Variants in TMEM51 observed in about 807,000 individuals in gnomAD.
The protein encoded by TMEM51 is chromosome 1 open reading frame 72.
A neutral mutation model predicts 13.6 loss-of-function variants in TMEM51; 8 were observed. That is an observed-to-expected ratio of 0.59 (90% CI 0.35 to 1.07). The LOEUF (loss-of-function observed/expected upper bound fraction) is 1.07, where lower values mean the gene tolerates loss of function less well. Among genes scored for constraint, TMEM51 ranks in the 50% least tolerant of loss-of-function variants. The pLI, the probability that TMEM51 is intolerant of heterozygous loss-of-function variation, is 0.02. For missense variants in TMEM51, 279 were observed against 330.7 expected (o/e 0.84, Z 1.21); for synonymous variants, 147 against 144.4 (o/e 1.02, Z -0.13).
At chr1:15,175,177 A>T (rs1573395241) in intron 1 of TMEM51, among the ~76,000 whole-genome samples, 1 of 152,076 alleles carries the variant, frequency 6.6e-6, no homozygotes, top group African/African-American at 2.4e-5. Flanking sequence ...AGGTGGGTGG[A>T]TTATCTGAGG....
intron 1 of TMEM51, among the ~76,000 whole-genome samples, chr1:15,191,648 G>A (rs916725406): frequency 3.3e-5 from 5 of 152,128 alleles, no homozygotes; most frequent in African/African-American, 9.7e-5. Flanking sequence ...TGAGATGACT[G>A]CTATTTTCTC....
At chr1:15,200,742 T>A (rs1310686845) in intron 1 of TMEM51, among the ~76,000 whole-genome samples, 1 of 152,178 alleles carries the variant, frequency 6.6e-6, no homozygotes, top group Non-Finnish European at 1.5e-5. Context: ...TGATTAAACA[T>A]CTCAGCGTCA....
At chr1:15,182,883 C>T (rs1417820264) in intron 1 of TMEM51, among the ~76,000 whole-genome samples, 1 of 152,216 alleles carries the variant, frequency 6.6e-6, no homozygotes, top group Non-Finnish European at 1.5e-5. Context: ...CTACCACAGC[C>T]TCCATAGTAA....
chr1:15,170,821 C>T (rs1048159473), intron 1 of TMEM51, among the ~76,000 whole-genome samples: 5 of 151,948 alleles, frequency 3.3e-5, no homozygotes, highest in East Asian at 3.9e-4. Context: ...CTCCGCCTCC[C>T]GGGTTCATGC....
chr1:15,173,755 C>T (rs746400318), intron 1 of TMEM51, among the ~76,000 whole-genome samples: 9 of 151,294 alleles, frequency 5.9e-5, no homozygotes, highest in Non-Finnish European at 1.2e-4. Context: ...CTAAAAACAC[C>T]CTTTCTTCAA....
intron 1 of TMEM51, among the ~76,000 whole-genome samples, chr1:15,169,484 G>A (rs554147721): frequency 1.2e-3 from 180 of 152,192 alleles, no homozygotes; most frequent in Admixed American, 1.9e-3. Flanking sequence ...ATAAATGTGC[G>A]TGAGACTATG....
chr1:15,219,819 CCA>C lies in TMEM51; in HGVS notation c.*79_*80del. The C allele has an allele frequency of 6.6e-7, 1 of 1,516,782 alleles. No individual in the cohort carries two copies. The highest frequency in any genetic ancestry group is 8.9e-7 in the Non-Finnish European group (1 of 1,123,814). 94.0% of individuals were successfully genotyped at this position (1,516,782 alleles called of 1,614,324 possible). A position where few individuals can be genotyped will look rare whatever the true frequency, so the allele number is the denominator to read the frequency against. On this transcript the variant is annotated 3_prime_UTR_variant, in exon 4 of 4. Transcript: ENST00000376008. ...CAAGACTCTAACAAAGCCACATGAGCCACAGTTGAGAAGCGGAGGGGCCAGCT... is the reference window on the plus strand; with the variant it reads ...CAAGACTCTAACAAAGCCACATGAGCCAGTTGAGAAGCGGAGGGGCCAGCT...
At chr1:15,179,033 C>T (rs1042177547) in intron 1 of TMEM51, among the ~76,000 whole-genome samples, 4 of 152,148 alleles carry the variant, frequency 2.6e-5, no homozygotes, top group Non-Finnish European at 4.4e-5. Context: ...AGGGACTGCT[C>T]GTTAGGAAAA....
At chr1:15,153,735 G>T, upstream of TMEM51, 1 of 152,120 alleles carries the variant, frequency 6.6e-6, no homozygotes, top group Non-Finnish European at 1.5e-5. Flanking sequence ...CCTCCCGCAC[G>T]CCGGCGCTCC....
intron 1 of TMEM51, among the ~76,000 whole-genome samples, chr1:15,178,200 G>A (rs981231610): frequency 3.2e-5 from 3 of 93,286 alleles, no homozygotes; most frequent in Non-Finnish European, 7.2e-5. Context: ...GGGTGGAAGA[G>A]GGATTCCCTG....
chr1:15,214,200 G>A (rs545918716), intron 2 of TMEM51, among the ~76,000 whole-genome samples: 1 of 152,168 alleles, frequency 6.6e-6, no homozygotes, highest in South Asian at 2.1e-4. Flanking sequence ...ATGTGGTCAT[G>A]GGAAGAGAGA....
chr1:15,171,379 A>G (rs1455784864), intron 1 of TMEM51: 1 of 1,242,900 alleles, frequency 8.0e-7, no homozygotes, highest in African/African-American at 1.5e-5. Context: ...GGCGGCAGAA[A>G]GGAAGGTGGA....
Position 15,169,968 on chromosome 1 carries a change from A to T in TMEM51, c.-267+16014A>T, listed in dbSNP as rs1643181607. 2.6e-5 allele frequency among the ~76,000 whole-genome samples: 4 copies of T among 152,190 alleles called. No individual in the cohort carries two copies. In the South Asian group the frequency reaches 8.3e-4, roughly 32 times the overall value. On this transcript the variant is annotated intron_variant, in intron 1 of 3. Coordinates refer to ENST00000376008, the MANE Select transcript of TMEM51 (RefSeq NM_001136218.2). ...TACTTTCTGAGTTTCCCACAGAGAA[A>T]CATGTATGACTTTGTATTAAAGTAA...
intron 1 of TMEM51, among the ~76,000 whole-genome samples, chr1:15,178,891 C>T (rs566778175): frequency 6.6e-5 from 10 of 152,320 alleles, no homozygotes; most frequent in African/African-American, 1.9e-4. Context: ...CCTTGGCAGC[C>T]GGAACTTTCC....
rs185857348 is a variant in TMEM51, at chr1:15,209,148, C to T, written c.-266-1342C>T. Among the ~76,000 whole-genome samples, 196 of 152,144 alleles carry T rather than the reference C, an allele frequency of 1.3e-3. 1 individual carries two copies. The highest frequency in any genetic ancestry group is 6.8e-3 in the Middle Eastern group (2 of 294). ...GCAGTGGCGTGCTCAAGGCTCACTA[C>T]AGGCTTTACCTCCTAGGCTCAAGCA... On this transcript the variant is annotated intron_variant, in intron 1 of 3. Coordinates refer to ENST00000376008, the MANE Select transcript of TMEM51 (RefSeq NM_001136218.2).
intron 1 of TMEM51, among the ~76,000 whole-genome samples, chr1:15,174,512 G>A (rs908037303): frequency 2.2e-4 from 33 of 152,028 alleles, no homozygotes; most frequent in Admixed American, 1.0e-3. Context: ...AAAGTGCTGG[G>A]GATTACTGAC....
At chr1:15,191,298 T>C (rs751227470) in intron 1 of TMEM51, among the ~76,000 whole-genome samples, 4 of 152,240 alleles carry the variant, frequency 2.6e-5, no homozygotes, top group Non-Finnish European at 5.9e-5. Context: ...GTCACCTTGA[T>C]TGTAGACCTC....
chr1:15,192,406 G>T, intron 1 of TMEM51: 1 of 396,876 alleles, frequency 2.5e-6, no homozygotes, highest in Non-Finnish European at 4.9e-6. Flanking sequence ...CTTGCTCCAG[G>T]TCAGCGTTTG....
chr1:15,153,106 G>A (rs770575373), upstream of TMEM51, among the ~76,000 whole-genome samples: 2 of 152,232 alleles, frequency 1.3e-5, no homozygotes, highest in Non-Finnish European at 2.9e-5. Context: ...CCCTGGCCGA[G>A]GGCGTGAGCT....
Sources: allele counts gnomAD v4.1 joint callset (sites outside exome capture counted in the v4.1 genomes callset), GRCh38; gene constraint gnomAD v4.1.1; transcripts MANE v1.5; gene names NCBI Gene and HGNC (gene_info 2026-07-23, HGNC 2026-07-21).